ARL6IP6: variants seen among roughly 807,000 people sequenced by gnomAD.
ARL6IP6 encodes the protein ARF like GTPase 6 interacting protein 6, also known as ADP-ribosylation factor-like protein 6-interacting protein 6.
ARL6IP6 carries 22 observed loss-of-function variants against 21.5 expected under a neutral mutation model. The observed-to-expected ratio is 1.02, with a 90% CI of 0.73 to 1.46. The LOEUF (loss-of-function observed/expected upper bound fraction) is 1.46. Ranked by LOEUF, ARL6IP6 falls within the 40% of genes most tolerant of loss-of-function variation. The pLI is 0.00. For missense variants in ARL6IP6, 388 were observed against 299.8 expected, an observed-to-expected ratio of 1.29 and a Z score of -2.17; for synonymous variants, 164 against 125.3, an observed-to-expected ratio of 1.31 and a Z score of -2.06.
At chr2:152,757,575 G>T (rs1264218235) in intron 3 of ARL6IP6, among the ~76,000 whole-genome samples, 2 of 152,140 alleles carry the variant, frequency 1.3e-5, no homozygotes, top group African/African-American at 4.8e-5. Context: ...TTTGTTAACA[G>T]ACTTTAGAGA....
chr2:152,736,828 T>C (rs542602326), intron 3 of ARL6IP6, among the ~76,000 whole-genome samples: 7 of 152,300 alleles, frequency 4.6e-5, no homozygotes, highest in Admixed American at 1.3e-4. Context: ...TTATAAGTAA[T>C]CTAGAGATGA....
intron 3 of ARL6IP6, among the ~76,000 whole-genome samples, chr2:152,754,903 C>A (rs1701506711): frequency 1.3e-5 from 2 of 151,972 alleles, no homozygotes; most frequent in African/African-American, 4.8e-5. Context: ...GGTGCCAAGG[C>A]AAGAGACCGA....
chr2:152,741,610 A>G (rs1275679908), intron 3 of ARL6IP6, among the ~76,000 whole-genome samples: 1 of 152,218 alleles, frequency 6.6e-6, no homozygotes, highest in Non-Finnish European at 1.5e-5. Context: ...GATTAGAAAT[A>G]AAAGCATTTT....
chr2:152,746,001 CTTTTTTTTTTTTTTTTT>C (rs67760283), intron 3 of ARL6IP6, among the ~76,000 whole-genome samples: 7 of 66,388 alleles, frequency 1.1e-4, no homozygotes, highest in Admixed American at 1.6e-4. Flanking sequence ...TGCTTTGTAC[CTTTTTTTTTTTTTTTTT>C]TTTTTTTTTT....
chr2:152,726,081 A>G (rs991495604), intron 2 of ARL6IP6, among the ~76,000 whole-genome samples: 2 of 152,166 alleles, frequency 1.3e-5, no homozygotes, highest in African/African-American at 2.4e-5. Context: ...TGATGGGTAT[A>G]TGAGTTTTAT....
intron 2 of ARL6IP6, among the ~76,000 whole-genome samples, chr2:152,724,655 C>A (rs1699953522): frequency 6.6e-6 from 1 of 152,156 alleles, no homozygotes; most frequent in African/African-American, 2.4e-5. Flanking sequence ...TGTAGTCCAA[C>A]TTTGGTGGTT....
chr2:152,757,944 G>T (rs1441002322), intron 3 of ARL6IP6, among the ~76,000 whole-genome samples: 2 of 152,120 alleles, frequency 1.3e-5, no homozygotes, highest in Non-Finnish European at 2.9e-5. Flanking sequence ...GAACTTTAAA[G>T]GTTTTTCTAT....
At chr2:152,732,544 TAGC>T (rs1398771729) in intron 2 of ARL6IP6, 3 of 461,178 alleles carry the variant, frequency 6.5e-6, no homozygotes, top group Non-Finnish European at 1.3e-5. Flanking sequence ...TTATCTGTAT[TAGC>T]AGGAAATTTT....
intron 3 of ARL6IP6, among the ~76,000 whole-genome samples, chr2:152,747,199 A>G (rs142946807): frequency 2.0e-3 from 298 of 152,238 alleles, no homozygotes; most frequent in African/African-American, 7.0e-3. Flanking sequence ...TATTATCCTC[A>G]TTTTAAAGAT....
chr2:152,734,327 G>A (rs1700455611), intron 2 of ARL6IP6, among the ~76,000 whole-genome samples: 1 of 152,094 alleles, frequency 6.6e-6, no homozygotes, highest in African/African-American at 2.4e-5. Context: ...CAAGGTTAAA[G>A]AATCAGAATA....
At chr2:152,749,314 A>AACACACACACACACACACAC (rs3080693) in intron 3 of ARL6IP6, among the ~76,000 whole-genome samples, 6 of 150,120 alleles carry the variant, frequency 4.0e-5, no homozygotes, top group Non-Finnish European at 7.4e-5. Context: ...CACACACAAA[A>AACACACACACACACACACAC]ACACACACAC....
intron 2 of ARL6IP6, among the ~76,000 whole-genome samples, chr2:152,725,339 G>A (rs1699990761): frequency 6.6e-6 from 1 of 152,000 alleles, no homozygotes; most frequent in Non-Finnish European, 1.5e-5. Context: ...AATTATGATG[G>A]AATTAGGATT....
chr2:152,759,814 C>G lies in ARL6IP6; in HGVS notation c.655C>G (p.Leu219Val). ...MAILNGIVAA[L>V]TVAWCLM is the part of the protein sequence containing the mutation. The stretch of plus-strand genomic sequence containing the variant: ...GATTTTGAATGGCATCGTAGCTGCT[C>G]TTACTGTAGCATGGTGCCTCATGTA... Residue 219 changes from leucine to valine, a missense_variant, in exon 4 of 4, where the codon CTT becomes GTT. Leu to Val is a conservative substitution (Grantham distance 32). Coordinates refer to ENST00000326446, the MANE Select transcript of ARL6IP6 (RefSeq NM_152522.7). 1 of 1,613,366 alleles carries G rather than the reference C, an allele frequency of 6.2e-7. No homozygotes were observed. Among genetic ancestry groups the G allele is most frequent in the Non-Finnish European group, 8.5e-7 (1 of 1,179,426 alleles).
chr2:152,733,049 C>CTA (rs1302367249), intron 2 of ARL6IP6, among the ~76,000 whole-genome samples: 1 of 152,104 alleles, frequency 6.6e-6, no homozygotes, highest in African/African-American at 2.4e-5. Flanking sequence ...CTCTCCAAGG[C>CTA]TATAAATGAC....
chr2:152,728,683 G>A (rs901000208), intron 2 of ARL6IP6, among the ~76,000 whole-genome samples: 12 of 152,118 alleles, frequency 7.9e-5, no homozygotes, highest in African/African-American at 2.9e-4. Flanking sequence ...AAGGGATTGG[G>A]ATAGGAAATT....
chr2:152,748,544 G>A (rs1241654271), intron 3 of ARL6IP6, among the ~76,000 whole-genome samples: 4 of 152,190 alleles, frequency 2.6e-5, no homozygotes, highest in Non-Finnish European at 5.9e-5. Flanking sequence ...AGGCAGCTCA[G>A]ATGTGTGAAA....
At chr2:152,731,365 A>G (rs1006022129) in intron 2 of ARL6IP6, among the ~76,000 whole-genome samples, 12 of 152,212 alleles carry the variant, frequency 7.9e-5, no homozygotes, top group African/African-American at 2.2e-4. Context: ...AAGATTTACA[A>G]ACAGTCCATT....
intron 3 of ARL6IP6, among the ~76,000 whole-genome samples, chr2:152,758,035 G>T (rs1338946615): frequency 6.6e-6 from 1 of 152,112 alleles, no homozygotes; most frequent in African/African-American, 2.4e-5. Flanking sequence ...ACTTTATTGG[G>T]TGAGTACAGT....
At chr2:152,726,467 G>A (rs904388705) in intron 2 of ARL6IP6, among the ~76,000 whole-genome samples, 1 of 152,150 alleles carries the variant, frequency 6.6e-6, no homozygotes, top group South Asian at 2.1e-4. Context: ...TTGCTCTAGG[G>A]ATTTAAAGAC....
Sources: allele counts gnomAD v4.1 joint callset (sites outside exome capture counted in the v4.1 genomes callset), GRCh38; gene constraint gnomAD v4.1.1; transcripts MANE v1.5; gene names NCBI Gene and HGNC (gene_info 2026-07-23, HGNC 2026-07-21).